Variants in NCAPG2 observed in about 807,000 individuals in gnomAD.
NCAPG2 encodes condensin-2 complex subunit G2.
In NCAPG2, 53 loss-of-function variants were observed where a neutral mutation model predicts 141.1. The observed-to-expected ratio is 0.38, with a 90% confidence interval of 0.30 to 0.47. The LOEUF (loss-of-function observed/expected upper bound fraction) is 0.47, where lower values mean the gene tolerates loss of function less well. Ranked by LOEUF, NCAPG2 falls within the 20% of genes least tolerant of loss-of-function variation. NCAPG2 has a pLI of 0.99. For missense variants in NCAPG2, 1,087 were observed against 1,389.0 expected (o/e 0.78, Z 3.46); for synonymous variants, 499 against 490.7 (o/e 1.02, Z -0.22).
intron 6 of NCAPG2, 133 bp from the exon 7 acceptor site, chr7:158,687,575 G>C: frequency 1.5e-6 from 1 of 654,716 alleles, no homozygotes; most frequent in Non-Finnish European, 2.6e-6. Flanking sequence ...TTATCACTGA[G>C]AGCACATGCA....
chr7:158,655,416 G>T lies in NCAPG2; in HGVS notation c.2428C>A (p.Pro810Thr). ...GCAGCTGCTTCACTGAAGCCACGAG[G>T]CTTCCCACCCGGTGTCTGCAGAAGT... ...ESLLQTPGGK[P>T]RGFSEAAAPR... Residue 810 changes from proline to threonine, a missense_variant, in exon 20 of 28, where the codon CCT becomes ACT. Transcript: ENST00000356309. The T allele has an allele frequency of 6.2e-7, 1 of 1,614,122 alleles. No homozygotes were observed. The highest frequency in any genetic ancestry group is 8.5e-7 in the Non-Finnish European group (1 of 1,180,032).
At chr7:158,632,211 C>T (rs1260132417) in intron 27 of NCAPG2, among the ~76,000 whole-genome samples, 2 of 152,200 alleles carry the variant, frequency 1.3e-5, no homozygotes, top group Non-Finnish European at 2.9e-5. Flanking sequence ...TCCCTCAAGG[C>T]GAGACTCTTC....
intron 27 of NCAPG2, among the ~76,000 whole-genome samples, chr7:158,635,115 G>A (rs1467272372): frequency 1.3e-5 from 2 of 152,116 alleles, no homozygotes; most frequent in Non-Finnish European, 2.9e-5. Context: ...GAGAAAAACC[G>A]TAAGATAAAA....
intron 8 of NCAPG2, 68 bp from the exon 9 acceptor site, chr7:158,683,454 G>A (rs1351649653): frequency 2.3e-5 from 27 of 1,152,110 alleles, no homozygotes; most frequent in Middle Eastern, 2.0e-4. Flanking sequence ...GACAAGCAGT[G>A]CGGCATTTGA....
chr7:158,694,449 A>C (rs1835319655), intron 2 of NCAPG2, among the ~76,000 whole-genome samples: 1 of 152,164 alleles, frequency 6.6e-6, no homozygotes, highest in Non-Finnish European at 1.5e-5. Context: ...CCACTTTCCC[A>C]CAGAGGCAGG....
intron 12 of NCAPG2, among the ~76,000 whole-genome samples, chr7:158,673,317 G>A (rs1833861563): frequency 6.6e-6 from 1 of 152,208 alleles, no homozygotes; most frequent in Non-Finnish European, 1.5e-5. Context: ...AGACAGGGTG[G>A]TTGCTATGAC....
chr7:158,689,744 GA>G (rs776493286), intron 6 of NCAPG2, 74 bp downstream of exon 6: 10 of 1,355,058 alleles, frequency 7.4e-6, no homozygotes, highest in Non-Finnish European at 9.9e-6. Context: ...GTGCAGACAG[GA>G]ACCATGTGAA....
At chr7:158,665,371 A>C (rs934364211) in intron 13 of NCAPG2, 2 of 152,486 alleles carry the variant, frequency 1.3e-5, no homozygotes, top group Non-Finnish European at 2.9e-5. Flanking sequence ...AAGCATTCGA[A>C]CTACCTACAG....
Position 158,656,291 on chromosome 7 carries a change from T to C in NCAPG2, c.2357A>G (p.Asn786Ser), listed in dbSNP as rs1201939155. ...CLLSAPRKKL[N>S]HLLKALETSK... Reference sequence around the variant, plus strand: ...CGTTTCAAGGGCTTTCAAAAGATGGTTAAGTTTCTTCCGAGGAGCAGAGAG... The same window carrying C: ...CGTTTCAAGGGCTTTCAAAAGATGGCTAAGTTTCTTCCGAGGAGCAGAGAG... Residue 786 changes from asparagine (N) to serine (S), a missense_variant, in exon 19 of 28, where the codon AAC becomes AGC. Coordinates refer to ENST00000356309, the MANE Select transcript of NCAPG2 (RefSeq NM_017760.7). 4 of 1,614,074 alleles carry C rather than the reference T, an allele frequency of 2.5e-6. No individual in the cohort carries two copies. The highest frequency in any genetic ancestry group is 3.4e-6 in the Non-Finnish European group (4 of 1,180,044).
rs1587082855 is a variant in NCAPG2, at chr7:158,646,536, G to A, written c.3103C>T (p.Pro1035Ser). ...GGTGGAAGATCAGAAAGATGCTCTG[G>A]AGGGGTAAGCTCTTCTACGTCAGAA... is the stretch of plus-strand genomic sequence containing the variant. ...KVSDVEELTP[P>S]EHLSDLPPFS... Residue 1035 changes from proline to serine, a missense_variant, in exon 25 of 28, where the codon CCA becomes TCA. Transcript: ENST00000356309. 6.3e-7 allele frequency: 1 copy of A among 1,583,188 alleles called. No individual in the cohort carries two copies. Among genetic ancestry groups the A allele is most frequent in the Non-Finnish European group, 8.5e-7 (1 of 1,171,266 alleles).
intron 8 of NCAPG2, among the ~76,000 whole-genome samples, chr7:158,684,206 T>A (rs532276095): frequency 2.6e-5 from 4 of 152,286 alleles, no homozygotes; most frequent in East Asian, 3.9e-4. Context: ...CAATGAAAGA[T>A]GAGATACACA....
At chr7:158,649,954 C>T (rs1831356292) in intron 24 of NCAPG2, among the ~76,000 whole-genome samples, 1 of 152,228 alleles carries the variant, frequency 6.6e-6, no homozygotes, top group African/African-American at 2.4e-5. Flanking sequence ...AGACTAATAA[C>T]TTCTGTATTA....
intron 27 of NCAPG2, among the ~76,000 whole-genome samples, chr7:158,636,918 A>G (rs1830239058): frequency 6.6e-6 from 1 of 151,938 alleles, no homozygotes; most frequent in Admixed American, 6.6e-5. Context: ...CAAGCTCCTA[A>G]GGCCAATAGT....
At chr7:158,667,228 T>C (rs1833040532) in intron 13 of NCAPG2, 4 of 985,576 alleles carry the variant, frequency 4.1e-6, no homozygotes, top group Non-Finnish European at 4.8e-6. Flanking sequence ...TCCTCTGCTC[T>C]GGCGCCCAAA....
chr7:158,659,628 G>A (rs988883539), intron 16 of NCAPG2, among the ~76,000 whole-genome samples: 2 of 152,064 alleles, frequency 1.3e-5, no homozygotes, highest in African/African-American at 4.8e-5. Flanking sequence ...CCTTCCTCAA[G>A]AACACTCAAT....
chr7:158,664,106 G>C (rs868067934), intron 15 of NCAPG2, 78 bp downstream of exon 15: 2 of 1,107,010 alleles, frequency 1.8e-6, no homozygotes. Flanking sequence ...GAAAACATAG[G>C]AATATTCCTA....
chr7:158,646,506 A>C lies in NCAPG2; in HGVS notation c.3133T>G (p.Ser1045Ala). ...ATTATTATTCCTATTAAACACCTTG[A>C]AAATGGTGGAAGATCAGAAAGATGC... ...PEHLSDLPPF[S>A]RCLIGIIIKS... is the part of the protein sequence containing the mutation. The change falls in exon 25 of 28, where the codon TCA becomes GCA. Residue 1045 changes from serine (S) to alanine (A), a missense_variant. By Grantham distance (99) the Ser-to-Ala change is moderately conservative. Transcript: ENST00000356309. 1 of 1,586,890 alleles carries C rather than the reference A, an allele frequency of 6.3e-7. No homozygotes were observed. The highest frequency in any genetic ancestry group is 8.5e-7 in the Non-Finnish European group (1 of 1,173,040).
At chr7:158,657,369 A>G (rs927801186) in intron 17 of NCAPG2, among the ~76,000 whole-genome samples, 1 of 152,248 alleles carries the variant, frequency 6.6e-6, no homozygotes, top group Non-Finnish European at 1.5e-5. Flanking sequence ...GCTCAGGGCC[A>G]CATGTGACCA....
rs1182437070 is a variant in NCAPG2 at position 158,679,967 on chromosome 7, T to G, written c.1139A>C (p.Glu380Ala). ...MDSEIQKQFE[E>A]LYSLLEDPYP... ...ACCACCTGAAGTACGTACATAGAGC[T>G]CTTCAAACTGTTTCTGGATTTCACT... The change falls in exon 11 of 28, where the codon GAG (glutamate) becomes GCG (alanine). Residue 380 changes from glutamate to alanine, a missense_variant. Glu to Ala is a moderately radical substitution (Grantham distance 107). Transcript: ENST00000356309. The G allele has an allele frequency of 6.2e-7, 1 of 1,613,986 alleles. No homozygotes were observed. Among genetic ancestry groups the G allele is most frequent in the African/African-American group, 1.3e-5 (1 of 74,932 alleles).
Sources: allele counts gnomAD v4.1 joint callset (sites outside exome capture counted in the v4.1 genomes callset), GRCh38; gene constraint gnomAD v4.1.1; transcripts MANE v1.5; gene names NCBI Gene and HGNC (gene_info 2026-07-23, HGNC 2026-07-21).